PCDHGA8: variants seen among roughly 807,000 people sequenced by gnomAD.
PCDHGA8 encodes protocadherin gamma subfamily A, 8.
A neutral mutation model predicts 59.2 loss-of-function variants in PCDHGA8; 45 were observed. The observed-to-expected ratio is 0.76, with a 90% CI of 0.60 to 0.98. PCDHGA8 has a LOEUF of 0.98. PCDHGA8 is among the 50% of genes least tolerant of loss of function. PCDHGA8 has a pLI of 0.00. For synonymous variants in PCDHGA8, 531 were observed against 519.0 expected (o/e 1.02, Z -0.32); for missense variants, 1,257 against 1,196.2 (o/e 1.05, Z -0.75).
intron 1 of PCDHGA8, chr5:141,405,210 A>G (rs752645800): frequency 1.2e-6 from 2 of 1,613,994 alleles, no homozygotes; most frequent in South Asian, 1.1e-5. Context: ...CTACAGACCT[A>G]TTCTCAGGAG....
intron 1 of PCDHGA8, chr5:141,415,056 G>A (rs1367441891): frequency 1.2e-6 from 2 of 1,613,416 alleles, no homozygotes; most frequent in East Asian, 2.2e-5. Context: ...GGGAGCACAC[G>A]GGCGAGGTGC....
At position 141,455,034 on chromosome 5, in the gene PCDHGA8, G is replaced by T. The variant is rs112590950; in HGVS notation, c.2425-39773G>T. 8.3e-3 allele frequency among the ~76,000 whole-genome samples: 1,254 copies of T among 150,894 alleles called. 18 individuals are homozygous for T. Among genetic ancestry groups the T allele is most frequent in the African/African-American group, 0.029 (1,191 of 41,122 alleles). ...TCACCGTGTTAGCCAGGATGGTCTC[G>T]ATCTCCTGACCTCGTGATCCGCCCG... On this transcript the variant is annotated intron_variant, in intron 1 of 3. Coordinates refer to ENST00000398604, the MANE Select transcript of PCDHGA8 (RefSeq NM_032088.2).
intron 1 of PCDHGA8, chr5:141,441,387 G>A (rs2098243952): frequency 6.5e-6 from 1 of 153,712 alleles, no homozygotes; most frequent in Non-Finnish European, 1.5e-5. Flanking sequence ...CAGACCCAAG[G>A]TATAACATCA....
chr5:141,510,656 A>C (rs761093897), intron 3 of PCDHGA8, among the ~76,000 whole-genome samples: 4 of 152,304 alleles, frequency 2.6e-5, no homozygotes, highest in Non-Finnish European at 5.9e-5. Flanking sequence ...CCCATTTTGC[A>C]GATGAGAAAA....
At chr5:141,468,346 A>AG (rs2099164784) in intron 1 of PCDHGA8, 33 of 147,324 alleles carry the variant, frequency 2.2e-4, no homozygotes, top group Middle Eastern at 6.9e-3. Flanking sequence ...AAAAAAAAAA[A>AG]AAAGAAAGAA....
chr5:141,491,666 G>A lies in PCDHGA8; in HGVS notation c.2425-3141G>A, dbSNP rs373526771. 9.4e-5 allele frequency: 152 copies of A among 1,613,614 alleles called. No homozygotes were observed. The highest frequency in any genetic ancestry group is 1.2e-4 in the Non-Finnish European group (142 of 1,180,016). The stretch of plus-strand genomic sequence containing the variant: ...CTGGCGCTGGAGCCTGACGCCATCC[G>A]GTCCCGCTCTAATACGCTGCGGGAG... On this transcript the variant is annotated intron_variant, in intron 1 of 3. Coordinates refer to ENST00000398604, the MANE Select transcript of PCDHGA8 (RefSeq NM_032088.2). This position sits in a 1 kb window ranked among gnomAD's most constrained non-coding sequence, Gnocchi z 6.9.
intron 2 of PCDHGA8, among the ~76,000 whole-genome samples, chr5:141,502,705 T>C (rs1475675789): frequency 6.6e-6 from 1 of 152,248 alleles, no homozygotes; most frequent in African/African-American, 2.4e-5. Context: ...TATCTGTTTT[T>C]ACATCAGTGA....
rs1165142153 is a variant in PCDHGA8 at position 141,402,786 on chromosome 5, G to A, written c.2424+7549G>A. On this transcript the variant is annotated intron_variant, in intron 1 of 3. Transcript: ENST00000398604. ...ACTCCATCCGGATTTCCAGTTCTGC[G>A]GCTACACAAAACCCGGCAGATACCA... 3.3e-6 allele frequency: 3 copies of A among 907,574 alleles called. No homozygotes were observed. The African/African-American group carries it at 5.0e-5, about 15-fold the overall frequency. 56.2% of individuals were successfully genotyped at this position (907,574 alleles called of 1,614,324 possible).
chr5:141,490,346 TG>T lies in PCDHGA8; in HGVS notation c.2425-4457del, dbSNP rs1458588422. ...GAGAGCACACCAGTGGGCACAGTAG[TG>T]GGGTTGTTTAATGTGCGAGACCGGG... On this transcript the variant is annotated intron_variant, in intron 1 of 3. Coordinates refer to ENST00000398604, the MANE Select transcript of PCDHGA8 (RefSeq NM_032088.2). The surrounding 1 kb of genome is among the most constrained non-coding windows in gnomAD (Gnocchi z 5.4). 1.2e-6 allele frequency: 2 copies of T among 1,614,164 alleles called. No individual in the cohort carries two copies. The highest frequency in any genetic ancestry group is 3.3e-5 in the Admixed American group (2 of 60,032).
intron 1 of PCDHGA8, among the ~76,000 whole-genome samples, chr5:141,472,935 A>G (rs1593400204): frequency 6.6e-6 from 1 of 150,778 alleles, no homozygotes; most frequent in East Asian, 1.9e-4. Context: ...GTGGTGAGCC[A>G]AGATTATGCC....
chr5:141,491,898 G>A lies in PCDHGA8; in HGVS notation c.2425-2909G>A, dbSNP rs772673872. 1.6e-5 allele frequency: 23 copies of A among 1,428,816 alleles called. No homozygotes were observed. The highest frequency in any genetic ancestry group is 3.0e-5 in the South Asian group (2 of 66,966). The allele number at this position is 1,428,816 out of a possible 1,614,324, so 88.5% of individuals were successfully genotyped here. A position where few individuals can be genotyped will look rare whatever the true frequency, so the allele number is the denominator to read the frequency against. ...ATTAAGGGATGGGGCTCCGAGCACC[G>A]GGGGTGGTGGCGACTGTGGGCGAGG... On this transcript the variant is annotated intron_variant, in intron 1 of 3. Coordinates refer to ENST00000398604, the MANE Select transcript of PCDHGA8 (RefSeq NM_032088.2). This position sits in a 1 kb window ranked among gnomAD's most constrained non-coding sequence, Gnocchi z 6.9.
At position 141,487,577 on chromosome 5, in the gene PCDHGA8, C is replaced by T; in HGVS notation, c.2425-7230C>T. 1 of 1,614,150 alleles carries T rather than the reference C, an allele frequency of 6.2e-7. No homozygotes were observed. Among genetic ancestry groups the T allele is most frequent in the Non-Finnish European group, 8.5e-7 (1 of 1,180,024 alleles). On this transcript the variant is annotated intron_variant, in intron 1 of 3. Transcript: ENST00000398604. This position sits in a 1 kb window ranked among gnomAD's most constrained non-coding sequence, Gnocchi z 5.0. ...ACCTATGGCAGGGGAGCCTGTTCGCCCAAGCTGCCCACCCTCTGATCTTCT... is the reference window on the plus strand; with the variant it reads ...ACCTATGGCAGGGGAGCCTGTTCGCTCAAGCTGCCCACCCTCTGATCTTCT...
intron 2 of PCDHGA8, among the ~76,000 whole-genome samples, chr5:141,498,309 G>A (rs2099783046): frequency 6.6e-6 from 1 of 151,844 alleles, no homozygotes; most frequent in Non-Finnish European, 1.5e-5. Flanking sequence ...GGGTCACACT[G>A]CCTACACAGA....
intron 1 of PCDHGA8, chr5:141,421,236 TCGGCTACAG>T (rs761399164): frequency 3.8e-5 from 60 of 1,594,916 alleles, no homozygotes; most frequent in Non-Finnish European, 5.1e-5. Flanking sequence ...CCATGGCGAA[TCGGCTACAG>T]CGCGGGGACC....
chr5:141,414,725 T>C (rs1303775655), intron 1 of PCDHGA8: 8 of 1,613,970 alleles, frequency 5.0e-6, no homozygotes, highest in African/African-American at 1.3e-5. Flanking sequence ...GACACTGGCG[T>C]CCTGTATGCA....
At position 141,477,965 on chromosome 5, in the gene PCDHGA8, A is replaced by G. The variant is rs1415974296; in HGVS notation, c.2425-16842A>G. On this transcript the variant is annotated intron_variant, in intron 1 of 3. Coordinates refer to ENST00000398604, the MANE Select transcript of PCDHGA8 (RefSeq NM_032088.2). This position sits in a 1 kb window ranked among gnomAD's most constrained non-coding sequence, Gnocchi z 4.9. ...CAGTCTCTTGGGATCCCCTAACCAGAGCCTTTTTGCCATAGGGCTGCACAC... is the reference window on the plus strand; with the variant it reads ...CAGTCTCTTGGGATCCCCTAACCAGGGCCTTTTTGCCATAGGGCTGCACAC... 4 of 1,614,030 alleles carry G rather than the reference A, an allele frequency of 2.5e-6. No individual in the cohort carries two copies. In the Middle Eastern group the frequency reaches 4.9e-4, roughly 200 times the overall value.
At position 141,409,159 on chromosome 5, in the gene PCDHGA8, GGAAGC is replaced by G. The variant is rs1361879939; in HGVS notation, c.2424+13927_2424+13931del. On this transcript the variant is annotated intron_variant, in intron 1 of 3. Transcript: ENST00000398604. ...ATGTAGAAAGGTACACCATGGAAGTGGAAGCGAAGGACGGAGGTGGTCTCTCTACC... is the reference window on the plus strand; with the variant it reads ...ATGTAGAAAGGTACACCATGGAAGTGGAAGGACGGAGGTGGTCTCTCTACC... The G allele has an allele frequency of 3.1e-6, 5 of 1,614,014 alleles. 1 individual carries two copies. In the South Asian group the frequency reaches 5.5e-5, roughly 18 times the overall value.
chr5:141,418,597 G>T, intron 1 of PCDHGA8: 7 of 1,614,052 alleles, frequency 4.3e-6, no homozygotes, highest in South Asian at 1.1e-5. Flanking sequence ...GCCAGGACGT[G>T]TACAGGGTTA....
intron 1 of PCDHGA8, chr5:141,408,275 T>C: frequency 1.2e-6 from 2 of 1,611,874 alleles, no homozygotes; most frequent in Non-Finnish European, 1.7e-6. Flanking sequence ...GCTGCCTTTG[T>C]TCTACCCCAC....
Sources: gnomAD v4.1 joint callset for allele counts (sites outside exome capture counted in the v4.1 genomes callset) on GRCh38, gnomAD v4.1.1 for gene constraint, Gnocchi (gnomAD v3.1) non-coding constraint, MANE v1.5 for transcripts, NCBI Gene and HGNC (gene_info 2026-07-23, HGNC 2026-07-21) for gene names.